The following DAB2IP variants were observed in gnomAD, a reference collection of about 807,000 sequenced individuals.
DAB2IP encodes the protein DAB2 interacting protein.
A neutral mutation model predicts 107.2 loss-of-function variants in DAB2IP; 28 were observed. The observed-to-expected ratio is 0.26, with a 90% CI of 0.19 to 0.36. DAB2IP has a LOEUF of 0.36. Among genes scored for constraint, DAB2IP ranks in the 10% least tolerant of loss-of-function variants. DAB2IP has a pLI of 1.00. For synonymous variants in DAB2IP, 755 were observed against 706.4 expected (o/e 1.07, Z -1.09); for missense variants, 1,400 against 1,644.7 (o/e 0.85, Z 2.57).
exon 10 of DAB2IP, chr9:121,768,537 C>G: frequency 6.2e-7 from 1 of 1,614,258 alleles, no homozygotes; most frequent in Non-Finnish European, 8.5e-7. Context: ...CCGAGACCCT[C>G]TCCAATACAG....
At chr9:121,647,609 T>G (rs1191162274), upstream of DAB2IP, among the ~76,000 whole-genome samples, 3 of 152,106 alleles carry the variant, frequency 2.0e-5, no homozygotes, top group African/African-American at 7.2e-5. Flanking sequence ...CCCTCCCTGG[T>G]CTTCACAAGT....
intron 4 of DAB2IP, among the ~76,000 whole-genome samples, chr9:121,758,472 C>A (rs149732137): frequency 6.6e-6 from 1 of 152,316 alleles, no homozygotes; most frequent in East Asian, 1.9e-4. Context: ...CTGGTACCTA[C>A]CTTTAGTTGT....
At chr9:121,715,640 A>C (rs1045588847) in intron 3 of DAB2IP, among the ~76,000 whole-genome samples, 1 of 151,972 alleles carries the variant, frequency 6.6e-6, no homozygotes, top group Non-Finnish European at 1.5e-5. Flanking sequence ...GGCCTGAGCC[A>C]CTGCACCCGG....
chr9:121,759,494 C>G (rs1033838306), intron 5 of DAB2IP, among the ~76,000 whole-genome samples: 2 of 152,198 alleles, frequency 1.3e-5, no homozygotes, highest in Non-Finnish European at 2.9e-5. Flanking sequence ...GTCCTGGTCA[C>G]CATAGCCATC....
chr9:121,782,294 G>A lies in DAB2IP; in HGVS notation c.3403-37G>A, dbSNP rs778074504. On this transcript the variant is annotated intron_variant, in intron 15 of 15. Coordinates refer to ENST00000408936, the Ensembl canonical transcript of DAB2IP. This position sits in a 1 kb window ranked among gnomAD's most constrained non-coding sequence, Gnocchi z 6.1. ...AGGTATACACAGCCCTAAGGAGCCT[G>A]TCCCATGACCCCCGCTCACATCCCC... is the stretch of plus-strand genomic sequence containing the variant. The A allele has an allele frequency of 1.9e-6, 3 of 1,601,850 alleles. No homozygotes were observed. The highest frequency in any genetic ancestry group is 2.7e-5 in the African/African-American group (2 of 74,716).
intron 1 of DAB2IP, among the ~76,000 whole-genome samples, chr9:121,671,683 A>AT (rs1288795907): frequency 2.6e-5 from 4 of 152,026 alleles, no homozygotes; most frequent in Non-Finnish European, 1.5e-5. Flanking sequence ...TTTGCAACTG[A>AT]TTTTTTTCAC....
At chr9:121,664,873 C>T (rs890986780) in intron 1 of DAB2IP, among the ~76,000 whole-genome samples, 2 of 152,168 alleles carry the variant, frequency 1.3e-5, no homozygotes, top group African/African-American at 4.8e-5. Context: ...TATTCTAGAA[C>T]ATAAAATGAT....
chr9:121,638,001 AC>A (rs1470035962), intron 1 of DAB2IP, among the ~76,000 whole-genome samples: 2 of 151,294 alleles, frequency 1.3e-5, no homozygotes, highest in East Asian at 3.9e-4. Context: ...CAATGGTGAC[AC>A]CCCCCTCCCC....
At chr9:121,777,921 G>T (rs1228797594) in intron 14 of DAB2IP, among the ~76,000 whole-genome samples, 1 of 152,194 alleles carries the variant, frequency 6.6e-6, no homozygotes, top group African/African-American at 2.4e-5. Flanking sequence ...TGCCTTGTCT[G>T]CTATTAATGT....
chr9:121,759,134 A>G, intron 5 of DAB2IP, 138 bp downstream of exon 5: 2 of 789,636 alleles, frequency 2.5e-6, no homozygotes, highest in Admixed American at 2.2e-5. Flanking sequence ...CCGAGTGGAC[A>G]ATATTGGTGG....
intron 9 of DAB2IP, 84 bp from the exon 10 acceptor site, chr9:121,768,348 C>T (rs554523153): frequency 1.4e-5 from 20 of 1,413,972 alleles, no homozygotes; most frequent in Admixed American, 8.4e-5. Flanking sequence ...GTGGGGAAAG[C>T]GGGTGGTGGT....
rs1389364550 is a variant in DAB2IP, at chr9:121,723,313, G to A, written c.362+23855G>A. 4.0e-5 allele frequency among the ~76,000 whole-genome samples: 6 copies of A among 148,752 alleles called. No individual in the cohort carries two copies. The South Asian group carries it at 8.3e-4, about 21-fold the overall frequency. ...CACAGGGCTCCCCCAAGGGATCCTC[G>A]GGATTGAGTTATTTCTGTTTTTGCT... On this transcript the variant is annotated intron_variant, in intron 3 of 15. Coordinates refer to ENST00000408936, the Ensembl canonical transcript of DAB2IP.
At chr9:121,735,723 G>C (rs1831852153) in intron 3 of DAB2IP, among the ~76,000 whole-genome samples, 1 of 152,200 alleles carries the variant, frequency 6.6e-6, no homozygotes. Context: ...CCTGCATGTG[G>C]TAGAGACTCA....
At chr9:121,586,528 A>C (rs1830317386) in intron 1 of DAB2IP, among the ~76,000 whole-genome samples, 1 of 152,118 alleles carries the variant, frequency 6.6e-6, no homozygotes, top group Non-Finnish European at 1.5e-5. Flanking sequence ...CCCTGTCTAC[A>C]GGGGAGAAAC....
At chr9:121,583,013 C>T (rs574248001) in intron 1 of DAB2IP, among the ~76,000 whole-genome samples, 7 of 152,348 alleles carry the variant, frequency 4.6e-5, no homozygotes, top group African/African-American at 1.7e-4. Flanking sequence ...GACCAGTAAC[C>T]AGCGAGCATT....
chr9:121,681,006 G>C (rs1432801030), intron 2 of DAB2IP, among the ~76,000 whole-genome samples: 1 of 152,132 alleles, frequency 6.6e-6, no homozygotes, highest in African/African-American at 2.4e-5. Context: ...GCCTCTCAAA[G>C]TGCTGGGATT....
At chr9:121,692,629 A>G (rs1829218952) in intron 2 of DAB2IP, among the ~76,000 whole-genome samples, 1 of 152,132 alleles carries the variant, frequency 6.6e-6, no homozygotes, top group African/African-American at 2.4e-5. Flanking sequence ...ATATGTGGCG[A>G]TCTCACTGGT....
At chr9:121,757,211 T>C (rs746017086) in intron 4 of DAB2IP, 45 bp downstream of exon 4, 1 of 1,595,218 alleles carries the variant, frequency 6.3e-7, no homozygotes, top group East Asian at 2.2e-5. Flanking sequence ...CATCCTCTCC[T>C]GGCCTGGCTG....
chr9:121,599,280 A>T lies in DAB2IP; in HGVS notation c.40+32052A>T, dbSNP rs1381201877. ...GGAGGCCTGGGGACTCCGGGAGGGG[A>T]GGGGGCGTGTGGTCCCGCCGGCATC... is the stretch of plus-strand genomic sequence containing the variant. On this transcript the variant is annotated intron_variant, in intron 1 of 16. Transcript: ENST00000259371. This position sits in a 1 kb window ranked among gnomAD's most constrained non-coding sequence, Gnocchi z 6.9. 6.6e-6 allele frequency among the ~76,000 whole-genome samples: 1 copy of T among 151,820 alleles called. No homozygotes were observed. The highest frequency in any genetic ancestry group is 1.5e-5 in the Non-Finnish European group (1 of 67,876).
Sources: gnomAD v4.1 joint callset for allele counts (sites outside exome capture counted in the v4.1 genomes callset) on GRCh38, gnomAD v4.1.1 for gene constraint, Gnocchi (gnomAD v3.1) non-coding constraint, MANE v1.5 for transcripts, NCBI Gene and HGNC (gene_info 2026-07-23, HGNC 2026-07-21) for gene names.